Variants in PRKAR1A observed in about 807,000 individuals in gnomAD.
PRKAR1A encodes the protein protein kinase cAMP-dependent type I regulatory subunit alpha, also known as cAMP-dependent protein kinase type I-alpha regulatory subunit.
A neutral mutation model predicts 52.0 loss-of-function variants in PRKAR1A; 3 were observed. The ratio of observed to expected loss-of-function variants is 0.06; its 90% CI spans 0.03 to 0.15. The LOEUF is 0.15. PRKAR1A is among the 10% of genes least tolerant of loss of function. The pLI is 1.00. For synonymous variants in PRKAR1A, 188 were observed against 168.4 expected, an observed-to-expected ratio of 1.12 and a Z score of -0.90; for missense variants, 240 against 477.4, an observed-to-expected ratio of 0.50 and a Z score of 4.63.
intron 11 of PRKAR1A, chr17:68,540,832 T>G (rs576367973): frequency 6.3e-7 from 1 of 1,582,608 alleles, no homozygotes; most frequent in South Asian, 1.1e-5. Flanking sequence ...GCTGGGGGCC[T>G]GCGTGTGGGG....
At chr17:68,483,540 A>G in the PRKAR1A span, among the ~76,000 whole-genome samples, 6 of 152,078 alleles carry the variant, frequency 3.9e-5, no homozygotes, top group African/African-American at 1.4e-4. Context: ...GTCCTTTTTC[A>G]CTGCATTGCC....
At chr17:68,524,689 T>A (rs1306577680) in intron 5 of PRKAR1A, among the ~76,000 whole-genome samples, 3 of 152,270 alleles carry the variant, frequency 2.0e-5, no homozygotes, top group Middle Eastern at 3.4e-3. Context: ...CTTTTAAAAA[T>A]TTTTTTCAGA....
chr17:68,526,667 A>T (rs901801739), intron 7 of PRKAR1A, among the ~76,000 whole-genome samples: 1 of 152,124 alleles, frequency 6.6e-6, no homozygotes, highest in Non-Finnish European at 1.5e-5. Flanking sequence ...ATAACACAGG[A>T]ACAGAAAACC....
chr17:68,455,028 G>C, the PRKAR1A span, among the ~76,000 whole-genome samples: 22 of 152,286 alleles, frequency 1.4e-4, 1 homozygote, highest in South Asian at 4.6e-3. Context: ...CATGGAAACA[G>C]AGCTTGGGAC....
chr17:68,506,203 T>C, the PRKAR1A span, among the ~76,000 whole-genome samples: 1 of 151,484 alleles, frequency 6.6e-6, no homozygotes. Flanking sequence ...CTGATCACTC[T>C]TCCAGCCTCA....
At chr17:68,431,379 G>A in the PRKAR1A span, among the ~76,000 whole-genome samples, 3 of 151,990 alleles carry the variant, frequency 2.0e-5, no homozygotes, top group African/African-American at 7.3e-5. Context: ...CATGGAGCCC[G>A]GCACGTGGCG....
the PRKAR1A span, among the ~76,000 whole-genome samples, chr17:68,425,365 G>A: frequency 2.5e-4 from 37 of 146,990 alleles, no homozygotes; most frequent in Middle Eastern, 3.4e-3. Flanking sequence ...CACCACACCC[G>A]GCTAATTTTT....
chr17:68,495,151 C>T, the PRKAR1A span, among the ~76,000 whole-genome samples: 21 of 152,238 alleles, frequency 1.4e-4, no homozygotes, highest in South Asian at 1.9e-3. Flanking sequence ...TTCAGCCTCC[C>T]GAGTAGCTAA....
chr17:68,434,551 C>T, the PRKAR1A span: 5 of 1,613,726 alleles, frequency 3.1e-6, no homozygotes, highest in Admixed American at 8.3e-5. Context: ...ACATTGAACA[C>T]AGACCTTTTC....
chr17:68,450,969 T>C, the PRKAR1A span: 1 of 1,539,006 alleles, frequency 6.5e-7, no homozygotes, highest in Middle Eastern at 2.4e-4. Context: ...TCCATGACAC[T>C]GGGCCCGGCG....
At chr17:68,469,923 T>C in the PRKAR1A span, among the ~76,000 whole-genome samples, 1 of 152,192 alleles carries the variant, frequency 6.6e-6, no homozygotes, top group Non-Finnish European at 1.5e-5. Flanking sequence ...TCGTTTTTTG[T>C]TTTTGCATAT....
intron 5 of PRKAR1A, among the ~76,000 whole-genome samples, chr17:68,524,471 A>G (rs924166227): frequency 5.3e-5 from 8 of 152,194 alleles, no homozygotes; most frequent in Admixed American, 6.5e-5. Context: ...TAGGACTTCT[A>G]TAGATTCTTA....
chr17:68,551,106 G>C (rs549246445), exon 12 of PRKAR1A: 1 of 1,234,314 alleles, frequency 8.1e-7, no homozygotes, highest in Non-Finnish European at 1.0e-6. Flanking sequence ...TCTCAAGGAG[G>C]AGCATTCCCC....
chr17:68,448,040 A>G, the PRKAR1A span, among the ~76,000 whole-genome samples: 1 of 151,472 alleles, frequency 6.6e-6, no homozygotes, highest in African/African-American at 2.4e-5. Context: ...ATAACACCTT[A>G]TCCAAATCTT....
chr17:68,463,751 G>C, the PRKAR1A span, among the ~76,000 whole-genome samples: 4 of 152,170 alleles, frequency 2.6e-5, no homozygotes, highest in Non-Finnish European at 5.9e-5. Flanking sequence ...GCAGCGAGGA[G>C]GCAGGGCCGC....
At chr17:68,465,625 A>ATTTTTTTTTTTTTTTCTTTTTTTT in the PRKAR1A span, among the ~76,000 whole-genome samples, 1 of 67,186 alleles carries the variant, frequency 1.5e-5, no homozygotes, top group African/African-American at 5.8e-5. Flanking sequence ...ACGCCCAGCA[A>ATTTTTTTTTTTTTTTCTTTTTTTT]TTTTTTTTTT....
At chr17:68,527,265 T>C (rs1374154550) in intron 7 of PRKAR1A, among the ~76,000 whole-genome samples, 4 of 152,162 alleles carry the variant, frequency 2.6e-5, no homozygotes, top group African/African-American at 4.8e-5. Context: ...TAGGGGAGGA[T>C]ATGGTCCTTT....
rs1393751060 is a variant in PRKAR1A, at chr17:68,532,341, A to C, written c.*1892A>C. 1 of 1,054,798 alleles carries C rather than the reference A, an allele frequency of 9.5e-7. No homozygotes were observed. Among genetic ancestry groups the C allele is most frequent in the African/African-American group, 1.6e-5 (1 of 60,826 alleles). The allele number at this position is 1,054,798 out of a possible 1,614,324, so 65.3% of individuals were successfully genotyped here. A position where few individuals can be genotyped will look rare whatever the true frequency, so the allele number is the denominator to read the frequency against. ...TTCATGTATGTATATAATCATGCTC[A>C]TGTATATTTAGTTACGTATAATGCT... On this transcript the variant is annotated 3_prime_UTR_variant, in exon 11 of 11. Coordinates refer to ENST00000589228, the MANE Select transcript of PRKAR1A (RefSeq NM_002734.5).
At chr17:68,543,619 C>T in intron 11 of PRKAR1A, 1 of 1,613,788 alleles carries the variant, frequency 6.2e-7, no homozygotes, top group Admixed American at 1.7e-5. Flanking sequence ...TCCATGGGGC[C>T]AGACCCTACC....
Sources: allele counts gnomAD v4.1 joint callset (sites outside exome capture counted in the v4.1 genomes callset), GRCh38; gene constraint gnomAD v4.1.1; transcripts MANE v1.5; gene names NCBI Gene and HGNC (gene_info 2026-07-23, HGNC 2026-07-21).